C4BPA: variants seen among roughly 807,000 people sequenced by gnomAD.
C4BPA encodes complement component 4 binding protein alpha, also known as C4b-binding protein alpha chain.
Under a neutral mutation model 63.7 loss-of-function variants are expected in C4BPA, and 31 were observed. That is an observed-to-expected ratio of 0.49 (90% CI 0.37 to 0.66). The LOEUF (loss-of-function observed/expected upper bound fraction) is 0.66. C4BPA is among the 30% of genes least tolerant of loss of function. The probability of loss-of-function intolerance (pLI) is 0.00; values close to 1 mark genes in which losing one functional copy is unlikely to be tolerated. For synonymous variants in C4BPA, 259 were observed against 254.7 expected (o/e 1.02, Z -0.16); for missense variants, 572 against 723.3 (o/e 0.79, Z 2.40).
At chr1:207,114,378 A>C (rs965160959) in intron 3 of C4BPA, 93 bp downstream of exon 3, 6 of 1,019,292 alleles carry the variant, frequency 5.9e-6, no homozygotes, top group Non-Finnish European at 8.6e-6. Context: ...GTCACCAAGA[A>C]GACAGTTTGT....
intron 9 of C4BPA, among the ~76,000 whole-genome samples, chr1:207,139,653 A>G (rs1180431921): frequency 6.6e-6 from 1 of 152,204 alleles, no homozygotes; most frequent in Admixed American, 6.5e-5. Flanking sequence ...GAGAGCTATA[A>G]TGGTTCCAGG....
chr1:207,108,533 C>T lies in C4BPA; in HGVS notation c.-26+4103C>T, dbSNP rs534305392. On this transcript the variant is annotated intron_variant, in intron 1 of 11. Transcript: ENST00000367070. ...ATTTATTTCATTGCCTTTAGAAAGACGTAATTTGAGCACCAGAATTTAACT... is the reference window on the plus strand; with the variant it reads ...ATTTATTTCATTGCCTTTAGAAAGATGTAATTTGAGCACCAGAATTTAACT... 1.3e-4 allele frequency among the ~76,000 whole-genome samples: 20 copies of T among 152,180 alleles called. No homozygotes were observed. The South Asian group carries it at 1.7e-3, about 13-fold the overall frequency.
At chr1:207,126,673 A>G (rs1048419603) in intron 6 of C4BPA, 40 bp from the exon 7 acceptor site, 6 of 1,501,594 alleles carry the variant, frequency 4.0e-6, no homozygotes, top group Admixed American at 3.5e-5. Context: ...ATTACCATCT[A>G]TCTTTTAAAA....
intron 9 of C4BPA, among the ~76,000 whole-genome samples, chr1:207,136,250 A>G (rs549314232): frequency 3.3e-5 from 5 of 152,062 alleles, no homozygotes; most frequent in South Asian, 4.2e-4. Flanking sequence ...CACCACAACC[A>G]CTCTGCTCCT....
intron 6 of C4BPA, among the ~76,000 whole-genome samples, chr1:207,126,250 ATGTG>A (rs1685041589): frequency 6.7e-6 from 1 of 148,370 alleles, no homozygotes; most frequent in Non-Finnish European, 1.5e-5. Flanking sequence ...ACACATACAT[ATGTG>A]TATATATAAA....
intron 4 of C4BPA, among the ~76,000 whole-genome samples, chr1:207,116,542 G>A (rs1318248393): frequency 3.6e-5 from 3 of 83,424 alleles, no homozygotes; most frequent in Non-Finnish European, 5.9e-5. Context: ...GTGTGTGTGT[G>A]TGTGTGTGTG....
chr1:207,137,531 G>A (rs556545695), intron 9 of C4BPA, among the ~76,000 whole-genome samples: 1 of 152,302 alleles, frequency 6.6e-6, no homozygotes, highest in South Asian at 2.1e-4. Context: ...ATTGGTAATT[G>A]GTTGAATTAT....
At chr1:207,119,890 A>G (rs1484813656) in intron 4 of C4BPA, among the ~76,000 whole-genome samples, 1 of 152,204 alleles carries the variant, frequency 6.6e-6, no homozygotes, top group African/African-American at 2.4e-5. Flanking sequence ...GCCCTCAGCA[A>G]GCACTTCATC....
intron 3 of C4BPA, 49 bp downstream of exon 3, chr1:207,114,334 A>T: frequency 2.1e-6 from 3 of 1,439,344 alleles, no homozygotes; most frequent in Non-Finnish European, 2.9e-6. Flanking sequence ...ATCTTTGGAA[A>T]GTTGTCTCAG....
At chr1:207,137,052 T>A (rs1316870273) in intron 9 of C4BPA, among the ~76,000 whole-genome samples, 1 of 152,272 alleles carries the variant, frequency 6.6e-6, no homozygotes, top group Non-Finnish European at 1.5e-5. Flanking sequence ...TGTTCTTTGT[T>A]TACAAAGTAT....
intron 9 of C4BPA, among the ~76,000 whole-genome samples, chr1:207,138,213 C>T (rs1685333718): frequency 6.6e-6 from 1 of 152,228 alleles, no homozygotes; most frequent in Admixed American, 6.5e-5. Context: ...AAAGAAGAGG[C>T]ACTCCTGCCA....
At chr1:207,125,396 T>TAG (rs1172597802) in intron 6 of C4BPA, among the ~76,000 whole-genome samples, 16 of 152,276 alleles carry the variant, frequency 1.1e-4, no homozygotes, top group Non-Finnish European at 5.9e-5. Flanking sequence ...GGACAAAACT[T>TAG]AACTGACAGT....
At chr1:207,118,208 C>CATCTATCTATCTATCT (rs1553256033) in intron 4 of C4BPA, among the ~76,000 whole-genome samples, 1 of 74,398 alleles carries the variant, frequency 1.3e-5, no homozygotes, top group Admixed American at 1.4e-4. Context: ...ATCTATCTAT[C>CATCTATCTATCTATCT]ATCTGTCTAT....
intron 2 of C4BPA, among the ~76,000 whole-genome samples, 184 bp downstream of exon 2, chr1:207,113,351 T>C (rs1684709797): frequency 6.6e-6 from 1 of 152,224 alleles, no homozygotes; most frequent in Non-Finnish European, 1.5e-5. Context: ...AATAGTGTTA[T>C]AGACACTTTC....
At chr1:207,104,599 C>A (rs1294166042) in intron 1 of C4BPA, among the ~76,000 whole-genome samples, 169 bp downstream of exon 1, 1 of 152,166 alleles carries the variant, frequency 6.6e-6, no homozygotes, top group Admixed American at 6.5e-5. Flanking sequence ...TTGAGACGTA[C>A]TTTAAACCCT....
In C4BPA at chr1:207,113,119, A is replaced by T. The variant is rs1297919120; in HGVS notation, c.94A>T (p.Ile32Phe). The change falls in exon 2 of 12, where the codon ATT (isoleucine) becomes TTT (phenylalanine). Residue 32 changes from isoleucine to phenylalanine, a missense_variant. Ile to Phe is a conservative substitution (Grantham distance 21, BLOSUM62 0). Around this residue, in one of 2 missense-constraint regions of C4BPA, gnomAD observed 107 missense variants for 93.9 expected, o/e 1.14. Transcript: ENST00000367070. ...FSRLWKVSDP[I>F]LFQMTLIAAL... is the part of the protein sequence containing the mutation. ...CAGGCTGTGGAAAGTCTCTGATCCA[A>T]TTCTCTTCCAAATGACCTTGATCGC... 2.5e-6 allele frequency: 4 copies of T among 1,611,148 alleles called. No homozygotes were observed. Among genetic ancestry groups the T allele is most frequent in the Non-Finnish European group, 3.4e-6 (4 of 1,178,934 alleles).
chr1:207,126,360 TATA>T (rs1238676015), intron 6 of C4BPA, among the ~76,000 whole-genome samples: 4 of 148,124 alleles, frequency 2.7e-5, no homozygotes, highest in South Asian at 2.1e-4. Flanking sequence ...ATATAAAATA[TATA>T]ATAAGTATCA....
chr1:207,135,873 C>T (rs1446792222), intron 9 of C4BPA, among the ~76,000 whole-genome samples: 1 of 152,178 alleles, frequency 6.6e-6, no homozygotes, highest in East Asian at 1.9e-4. Context: ...ATGGTCCCAA[C>T]AACACACCTT....
chr1:207,108,881 C>T (rs984818929), intron 1 of C4BPA, among the ~76,000 whole-genome samples: 3 of 151,920 alleles, frequency 2.0e-5, no homozygotes, highest in Non-Finnish European at 4.4e-5. Context: ...CACCACCACA[C>T]CCAGCTAATT....
Sources: gnomAD v4.1 joint callset for allele counts (sites outside exome capture counted in the v4.1 genomes callset) on GRCh38, gnomAD v4.1.1 for gene constraint, gnomAD v4.1.1 regional missense constraint, MANE v1.5 for transcripts, NCBI Gene and HGNC (gene_info 2026-07-23, HGNC 2026-07-21) for gene names.